UBE2J1: variants seen among roughly 807,000 people sequenced by gnomAD.
The protein encoded by UBE2J1 is ubiquitin-conjugating enzyme E2 J1.
UBE2J1 carries 17 observed loss-of-function variants against 42.1 expected under a neutral mutation model. The observed-to-expected ratio is 0.40, with a 90% CI of 0.28 to 0.61. UBE2J1 has a LOEUF of 0.61. UBE2J1 is among the 20% of genes least tolerant of loss of function. The probability of loss-of-function intolerance (pLI) is 0.38; values close to 1 mark genes in which losing one functional copy is unlikely to be tolerated. For synonymous variants in UBE2J1, 127 were observed against 137.2 expected, an observed-to-expected ratio of 0.93 and a Z score of 0.52; for missense variants, 291 against 389.4, an observed-to-expected ratio of 0.75 and a Z score of 2.13.
At chr6:89,335,485 T>C in intron 5 of UBE2J1, 54 bp from the exon 6 acceptor site, 2 of 1,372,512 alleles carry the variant, frequency 1.5e-6, no homozygotes, top group Non-Finnish European at 2.0e-6. Flanking sequence ...TTTAATTCCC[T>C]CTCACTGAGA....
intron 2 of UBE2J1, 90 bp downstream of exon 2, chr6:89,343,593 C>A: frequency 1.2e-6 from 1 of 852,776 alleles, no homozygotes; most frequent in Admixed American, 2.6e-5. Flanking sequence ...TCACACACAT[C>A]TGTAATGACT....
intron 3 of UBE2J1, among the ~76,000 whole-genome samples, chr6:89,340,800 G>C (rs1463749144): frequency 6.7e-6 from 1 of 149,004 alleles, no homozygotes; most frequent in African/African-American, 2.5e-5. Context: ...ATGGAGTCTC[G>C]CTCTGTCGCC....
At chr6:89,350,767 T>C (rs1768459864) in intron 1 of UBE2J1, among the ~76,000 whole-genome samples, 1 of 152,140 alleles carries the variant, frequency 6.6e-6, no homozygotes, top group South Asian at 2.1e-4. Flanking sequence ...TAGTATTAAG[T>C]CTAACCTATC....
intron 2 of UBE2J1, among the ~76,000 whole-genome samples, chr6:89,342,994 T>A (rs1028161144): frequency 6.6e-6 from 1 of 152,200 alleles, no homozygotes; most frequent in Non-Finnish European, 1.5e-5. Context: ...TGCCTGGGTA[T>A]ATTTAAATAC....
chr6:89,326,815 A>T lies in UBE2J1; in HGVS notation c.*2864T>A, dbSNP rs1462787979. On this transcript the variant is annotated 3_prime_UTR_variant, in exon 8 of 8. Transcript: ENST00000435041. ...TGCATTAACCTTACATATACTTCCA[A>T]TTAAAAAAACACATAGGCTTTTCAG... 1 of 152,176 alleles carries T rather than the reference A, an allele frequency of 6.6e-6. No individual in the cohort carries two copies. Among genetic ancestry groups the T allele is most frequent in the Non-Finnish European group, 1.5e-5 (1 of 68,024 alleles). 9.4% of individuals were successfully genotyped at this position (152,176 alleles called of 1,614,324 possible). A position where few individuals can be genotyped will look rare whatever the true frequency, so the allele number is the denominator to read the frequency against.
rs1285170827 is a variant in UBE2J1 at position 89,352,577 on chromosome 6, C to T, written c.-8G>A. The T allele has an allele frequency of 2.6e-6, 4 of 1,565,256 alleles. No individual in the cohort carries two copies. The highest frequency in any genetic ancestry group is 3.4e-6 in the Non-Finnish European group (4 of 1,162,982). ...GTTGTAGCGGGTCTCCATGGTGGGTCGCTGGCTTGGCTCCGGCCTCCCGGG... is the reference window on the plus strand; with the variant it reads ...GTTGTAGCGGGTCTCCATGGTGGGTTGCTGGCTTGGCTCCGGCCTCCCGGG... On this transcript the variant is annotated 5_prime_UTR_variant, in exon 1 of 8. Coordinates refer to ENST00000435041, the MANE Select transcript of UBE2J1 (RefSeq NM_016021.3).
In UBE2J1 at chr6:89,329,641, A is replaced by T; in HGVS notation, c.*38T>A. 6.2e-7 allele frequency: 1 copy of T among 1,605,288 alleles called. No homozygotes were observed. Among genetic ancestry groups the T allele is most frequent in the Middle Eastern group, 1.8e-4 (1 of 5,564 alleles). On this transcript the variant is annotated 3_prime_UTR_variant, in exon 8 of 8. Transcript: ENST00000435041. Reference sequence around the variant, plus strand: ...TATACCCAATGCAGAATGTTTAATGAAGCAGTTGAGTCACAGCTCATAAGT... The same window carrying T: ...TATACCCAATGCAGAATGTTTAATGTAGCAGTTGAGTCACAGCTCATAAGT...
chr6:89,342,612 ATAAAT>A (rs924201177), intron 2 of UBE2J1, among the ~76,000 whole-genome samples, 157 bp from the exon 3 acceptor site: 7 of 152,356 alleles, frequency 4.6e-5, no homozygotes, highest in Non-Finnish European at 8.8e-5. Context: ...ACTATAAGTG[ATAAAT>A]TAAATTTATA....
At chr6:89,337,380 T>C (rs779874733) in intron 5 of UBE2J1, among the ~76,000 whole-genome samples, 5 of 152,026 alleles carry the variant, frequency 3.3e-5, no homozygotes, top group Non-Finnish European at 5.9e-5. Context: ...TACATACCCA[T>C]AGTTTGGAAA....
At chr6:89,349,476 A>T (rs1241638613) in intron 1 of UBE2J1, among the ~76,000 whole-genome samples, 1 of 152,190 alleles carries the variant, frequency 6.6e-6, no homozygotes, top group Admixed American at 6.5e-5. Context: ...TGTGTGTTTC[A>T]GGGCAGGGAT....
chr6:89,348,640 G>T (rs1768407696), intron 1 of UBE2J1, among the ~76,000 whole-genome samples: 1 of 152,210 alleles, frequency 6.6e-6, no homozygotes, highest in Non-Finnish European at 1.5e-5. Context: ...ATGTCTGAGT[G>T]TTGGAGATAA....
At position 89,326,869 on chromosome 6, in the gene UBE2J1, A is replaced by G. The variant is rs1308181698; in HGVS notation, c.*2810T>C. On this transcript the variant is annotated 3_prime_UTR_variant, in exon 8 of 8. Transcript: ENST00000435041. ...TTTGGCCTAGATTTTTGTTCAAATG[A>G]GTCCAAATGTGTGAGTGAGGTTTAC... The G allele has an allele frequency of 6.6e-6, 1 of 152,356 alleles. No homozygotes were observed. Among genetic ancestry groups the G allele is most frequent in the Non-Finnish European group, 1.5e-5 (1 of 68,024 alleles). 9.4% of individuals were successfully genotyped at this position (152,356 alleles called of 1,614,324 possible).
intron 7 of UBE2J1, 99 bp from the exon 8 acceptor site, chr6:89,330,056 T>A (rs957980951): frequency 1.7e-6 from 2 of 1,175,474 alleles, no homozygotes; most frequent in East Asian, 2.4e-5. Context: ...GGACAACATA[T>A]GACTAAGGGC....
intron 1 of UBE2J1, among the ~76,000 whole-genome samples, chr6:89,345,583 CAGAG>C (rs1358330944): frequency 6.7e-6 from 1 of 149,956 alleles, no homozygotes; most frequent in Non-Finnish European, 1.5e-5. Context: ...GCCTGGGCTT[CAGAG>C]AGAGACTATC....
At chr6:89,341,866 T>C (rs772806550) in intron 3 of UBE2J1, among the ~76,000 whole-genome samples, 4 of 152,214 alleles carry the variant, frequency 2.6e-5, no homozygotes, top group Non-Finnish European at 5.9e-5. Context: ...CTAAGAGCTA[T>C]ACAATAAGAT....
At position 89,329,915 on chromosome 6, in the gene UBE2J1, T is replaced by C. The variant is rs781000909; in HGVS notation, c.721A>G (p.Thr241Ala). The change falls in exon 8 of 8, where the codon ACC becomes GCC. Residue 241 changes from threonine (T) to alanine (A), a missense_variant. Physicochemically the swap from Thr to Ala is moderately conservative, Grantham distance 58. This residue lies in a region of UBE2J1 where 176 missense variants were observed against 196.3 expected (regional missense o/e 0.90). Transcript: ENST00000435041. Reference protein sequence around the residue: ...NSSAASFHQPTQPVAKNTSMS... With the variant: ...NSSAASFHQPAQPVAKNTSMS... ...GAGGTATTCTTAGCTACAGGTTGGG[T>C]AGGTTGATGAAAGGATGCTGCTGAG... The C allele has an allele frequency of 6.2e-7, 1 of 1,613,898 alleles. No homozygotes were observed. Among genetic ancestry groups the C allele is most frequent in the Non-Finnish European group, 8.5e-7 (1 of 1,179,974 alleles).
intron 3 of UBE2J1, 123 bp from the exon 4 acceptor site, chr6:89,338,666 T>G (rs1359087488): frequency 9.9e-5 from 27 of 271,732 alleles, no homozygotes; most frequent in Non-Finnish European, 1.5e-4. Flanking sequence ...TGTTTTTTTT[T>G]TTTTTTTTTT....
At position 89,338,199 on chromosome 6, in the gene UBE2J1, A is replaced by G. The variant is rs2127865374; in HGVS notation, c.428+6T>C. The stretch of plus-strand genomic sequence containing the variant: ...GACCTCAAGAAGAATGAAATGCAAA[A>G]CTTACTTTTTGGCAAGTGCTCTTCT... On this transcript the variant is annotated splice_donor_region_variant and intron_variant, in intron 5 of 7. Transcript: ENST00000435041. The G allele has an allele frequency of 6.2e-7, 1 of 1,607,006 alleles. No homozygotes were observed. Among genetic ancestry groups the G allele is most frequent in the East Asian group, 2.2e-5 (1 of 44,764 alleles).
At chr6:89,342,662 T>C (rs1768270489) in intron 2 of UBE2J1, among the ~76,000 whole-genome samples, 2 of 152,214 alleles carry the variant, frequency 1.3e-5, no homozygotes, top group Admixed American at 6.5e-5. Context: ...TCATGTTCCA[T>C]TGAGCTAAAA....
Sources: gnomAD v4.1 joint callset for allele counts (sites outside exome capture counted in the v4.1 genomes callset) on GRCh38, gnomAD v4.1.1 for gene constraint, gnomAD v4.1.1 regional missense constraint, MANE v1.5 for transcripts, NCBI Gene and HGNC (gene_info 2026-07-23, HGNC 2026-07-21) for gene names.